Variants in TANC1 observed in about 807,000 individuals in gnomAD.
TANC1 encodes protein TANC1.
TANC1 carries 77 observed loss-of-function variants against 149.7 expected under a neutral mutation model. The ratio of observed to expected loss-of-function variants is 0.51; its 90% CI spans 0.43 to 0.62. TANC1 has a LOEUF of 0.62. Ranked by LOEUF, TANC1 falls within the 20% of genes least tolerant of loss-of-function variation. The pLI, the probability that TANC1 is intolerant of heterozygous loss-of-function variation, is 0.00. For synonymous variants in TANC1, 854 were observed against 925.0 expected, an observed-to-expected ratio of 0.92 and a Z score of 1.39; for missense variants, 1,985 against 2,321.8, an observed-to-expected ratio of 0.85 and a Z score of 2.98.
chr2:159,003,986 T>G, intron 2 of TANC1: 1 of 1,612,494 alleles, frequency 6.2e-7, no homozygotes. Context: ...AAAAACTGGC[T>G]GTGAATAATA....
intron 3 of TANC1, among the ~76,000 whole-genome samples, chr2:159,077,362 G>A (rs1021662449): frequency 6.6e-6 from 1 of 152,096 alleles, no homozygotes; most frequent in African/African-American, 2.4e-5. Context: ...AAATGTAATA[G>A]TGTACACAAT....
intron 2 of TANC1, among the ~76,000 whole-genome samples, chr2:159,033,913 A>G (rs550552990): frequency 6.6e-6 from 1 of 152,344 alleles, no homozygotes; most frequent in Non-Finnish European, 1.5e-5. Context: ...TGCTTTGTCA[A>G]ACTTGGTGAG....
intron 3 of TANC1, among the ~76,000 whole-genome samples, chr2:159,087,490 TTTG>T (rs2045037909): frequency 4.0e-5 from 6 of 150,340 alleles, no homozygotes; most frequent in African/African-American, 1.5e-4. Flanking sequence ...TTTGTCGTTG[TTTG>T]TTGTTTGTTT....
At chr2:159,055,579 TA>T (rs999764563) in intron 2 of TANC1, among the ~76,000 whole-genome samples, 2 of 152,236 alleles carry the variant, frequency 1.3e-5, no homozygotes, top group Non-Finnish European at 2.9e-5. Flanking sequence ...ATCCAAATTT[TA>T]AAAATTCTTT....
At chr2:159,062,607 G>A (rs981675343) in intron 2 of TANC1, among the ~76,000 whole-genome samples, 1 of 152,152 alleles carries the variant, frequency 6.6e-6, no homozygotes, top group African/African-American at 2.4e-5. Flanking sequence ...CTTCTCTTTG[G>A]TCCTCAGAAA....
chr2:159,058,206 C>A (rs1052479615), intron 2 of TANC1, among the ~76,000 whole-genome samples: 19 of 152,140 alleles, frequency 1.2e-4, no homozygotes, highest in Non-Finnish European at 2.6e-4. Context: ...TGCACTTATC[C>A]CTTCTGTGTG....
intron 4 of TANC1, among the ~76,000 whole-genome samples, chr2:159,105,286 G>A (rs1056577392): frequency 2.0e-5 from 3 of 151,078 alleles, no homozygotes; most frequent in African/African-American, 7.3e-5. Context: ...GAGCCACCCC[G>A]CCCGGCCAGA....
At chr2:159,074,080 G>T (rs1051876041) in intron 3 of TANC1, among the ~76,000 whole-genome samples, 5 of 152,296 alleles carry the variant, frequency 3.3e-5, no homozygotes, top group African/African-American at 1.2e-4. Context: ...TCCAGAATCA[G>T]AGTTAGAACG....
chr2:159,214,146 G>GGGA (rs2059190842), intron 19 of TANC1, among the ~76,000 whole-genome samples: 1 of 84,212 alleles, frequency 1.2e-5, no homozygotes, highest in Admixed American at 2.0e-4. Flanking sequence ...AAAAAAGGGG[G>GGGA]AATTTAGTAA....
At chr2:159,207,000 T>C (rs192656038) in intron 19 of TANC1, among the ~76,000 whole-genome samples, 461 of 152,374 alleles carry the variant, frequency 3.0e-3, no homozygotes, top group African/African-American at 0.01. Flanking sequence ...GTATGAAAGA[T>C]GGCTTATGTT....
At chr2:159,020,869 T>C (rs6758310) in intron 2 of TANC1, among the ~76,000 whole-genome samples, 26 of 151,748 alleles carry the variant, frequency 1.7e-4, no homozygotes, top group African/African-American at 6.0e-4. Flanking sequence ...GCAGTCAGTC[T>C]CTTTTTTTTT....
At chr2:159,016,766 G>A (rs950033344) in intron 2 of TANC1, among the ~76,000 whole-genome samples, 4 of 151,854 alleles carry the variant, frequency 2.6e-5, no homozygotes, top group South Asian at 4.2e-4. Context: ...AGTAGAGACA[G>A]GGTTTCACTG....
At chr2:159,068,414 C>G (rs924744299) in intron 3 of TANC1, among the ~76,000 whole-genome samples, 1 of 152,142 alleles carries the variant, frequency 6.6e-6, no homozygotes, top group African/African-American at 2.4e-5. Flanking sequence ...AACTCATAAT[C>G]ATAGAAATTT....
At chr2:159,123,536 C>T (rs1156412094) in intron 4 of TANC1, among the ~76,000 whole-genome samples, 1 of 152,114 alleles carries the variant, frequency 6.6e-6, no homozygotes, top group Non-Finnish European at 1.5e-5. Context: ...TCTCACATTC[C>T]TCCCCTTACT....
At chr2:159,143,176 G>C (rs1402404700) in intron 5 of TANC1, among the ~76,000 whole-genome samples, 1 of 151,738 alleles carries the variant, frequency 6.6e-6, no homozygotes, top group Non-Finnish European at 1.5e-5. Context: ...GGTTTTTTGG[G>C]AAATTTTACA....
At chr2:158,988,777 C>T (rs1035741217) in intron 1 of TANC1, among the ~76,000 whole-genome samples, 1 of 152,200 alleles carries the variant, frequency 6.6e-6, no homozygotes, top group African/African-American at 2.4e-5. Flanking sequence ...CTTCCTACCT[C>T]ATGGGGTTTT....
rs11421314 is a variant in TANC1 at position 159,053,128 on chromosome 2, A to ATT, written c.-15-12757_-15-12756dup. Among the ~76,000 whole-genome samples, 658 of 149,426 alleles carry ATT rather than the reference A, an allele frequency of 4.4e-3. 7 individuals carry two copies. Among genetic ancestry groups the ATT allele is most frequent in the African/African-American group, 0.013 (521 of 40,856 alleles). On this transcript the variant is annotated intron_variant, in intron 2 of 26. Coordinates refer to ENST00000263635, the MANE Select transcript of TANC1 (RefSeq NM_033394.3). ...CTAGATTTGTTAACATTAAACCTGA[A>ATT]TTTTTTTTTTTTAAGTCTTAACATA...
Position 159,163,287 on chromosome 2 carries a change from A to T in TANC1, c.687A>T (p.Thr229=), listed in dbSNP as rs973022433. Residue 229 remains threonine (T), a synonymous_variant, in exon 8 of 27, where the codon ACA becomes ACT. Coordinates refer to ENST00000263635, the MANE Select transcript of TANC1 (RefSeq NM_033394.3). ...TATTTTGGTCTTTCATTTCAGCCACAATTACAAGTTCATCCGAAAATGATG... is the reference window on the plus strand; with the variant it reads ...TATTTTGGTCTTTCATTTCAGCCACTATTACAAGTTCATCCGAAAATGATG... ...LESKDSGIIA[T]ITSSSENDDR... is the part of the protein sequence containing the mutation. 1 of 1,612,328 alleles carries T rather than the reference A, an allele frequency of 6.2e-7. No individual in the cohort carries two copies. The highest frequency in any genetic ancestry group is 8.5e-7 in the Non-Finnish European group (1 of 1,178,800).
chr2:159,077,297 C>T (rs1427907259), intron 3 of TANC1, among the ~76,000 whole-genome samples: 1 of 152,168 alleles, frequency 6.6e-6, no homozygotes, highest in Admixed American at 6.5e-5. Flanking sequence ...TGAGACTGTC[C>T]TAATTCCATC....
Sources: gnomAD v4.1 joint callset for allele counts (sites outside exome capture counted in the v4.1 genomes callset) on GRCh38, gnomAD v4.1.1 for gene constraint, MANE v1.5 for transcripts, NCBI Gene and HGNC (gene_info 2026-07-23, HGNC 2026-07-21) for gene names.